The following SEL1L3 variants were observed in gnomAD, a reference collection of about 807,000 sequenced individuals.
SEL1L3 encodes the protein protein sel-1 homolog 3.
Under a neutral mutation model 142.8 loss-of-function variants are expected in SEL1L3, and 76 were observed. That is an observed-to-expected ratio of 0.53 (90% CI 0.44 to 0.64). The LOEUF (loss-of-function observed/expected upper bound fraction) is 0.64, where lower values mean the gene tolerates loss of function less well. Ranked by LOEUF, SEL1L3 falls within the 30% of genes least tolerant of loss-of-function variation. The probability of loss-of-function intolerance (pLI) is 0.00; values close to 1 mark genes in which losing one functional copy is unlikely to be tolerated. For synonymous variants in SEL1L3, 504 were observed against 519.6 expected, an observed-to-expected ratio of 0.97 and a Z score of 0.41; for missense variants, 1,262 against 1,381.7, an observed-to-expected ratio of 0.91 and a Z score of 1.37.
intron 5 of SEL1L3, among the ~76,000 whole-genome samples, chr4:25,832,578 C>G (rs1245302159): frequency 6.6e-6 from 1 of 152,120 alleles, no homozygotes; most frequent in Non-Finnish European, 1.5e-5. Context: ...CAAAAGCAGT[C>G]AAATCATTTC....
At chr4:25,847,929 T>G in intron 1 of SEL1L3, 65 bp from the exon 2 acceptor site, 1 of 939,146 alleles carries the variant, frequency 1.1e-6, no homozygotes, top group South Asian at 1.8e-5. Flanking sequence ...TAACAGATAC[T>G]TGAATCATTA....
intron 9 of SEL1L3, among the ~76,000 whole-genome samples, chr4:25,805,361 T>C (rs935314537): frequency 2.0e-4 from 31 of 152,158 alleles, no homozygotes; most frequent in Non-Finnish European, 3.8e-4. Context: ...AGCATCCCCA[T>C]TTTTTACACG....
In SEL1L3 at chr4:25,790,533, G is replaced by A; in HGVS notation, c.1998C>T (p.Leu666=). 1 of 1,612,480 alleles carries A rather than the reference G, an allele frequency of 6.2e-7. No homozygotes were observed. The highest frequency in any genetic ancestry group is 8.5e-7 in the Non-Finnish European group (1 of 1,179,248). Residue 666 remains leucine, a synonymous_variant, in exon 12 of 24, where the codon CTC becomes CTT. Transcript: ENST00000399878. ...ETIRLKDDEI[L]KVQTKEDGDV... ...CTCCATCTTCTTTGGTTTGTACCTT[G>A]AGTATTTCATCATCTTTTAGTCTAA... is the stretch of plus-strand genomic sequence containing the variant.
the SEL1L3 span, among the ~76,000 whole-genome samples, chr4:25,736,213 T>TTGTGTGTGTGTG: frequency 4.9e-3 from 644 of 130,662 alleles, 19 homozygotes; most frequent in African/African-American, 0.011. Context: ...TGCCATAAGA[T>TTGTGTGTGTGTG]TGTGTGTCTG....
chr4:25,724,578 A>T, the SEL1L3 span, among the ~76,000 whole-genome samples: 1 of 151,710 alleles, frequency 6.6e-6, no homozygotes, highest in Admixed American at 6.6e-5. Context: ...TCTCTACTAA[A>T]AATACAAAAA....
the SEL1L3 span, among the ~76,000 whole-genome samples, chr4:25,727,769 A>G: frequency 6.6e-6 from 1 of 152,190 alleles, no homozygotes; most frequent in Admixed American, 6.5e-5. Flanking sequence ...CCAGGTGCAG[A>G]CAGGACACCT....
chr4:25,723,312 C>T, the SEL1L3 span, among the ~76,000 whole-genome samples: 1 of 152,192 alleles, frequency 6.6e-6, no homozygotes, highest in Admixed American at 6.5e-5. Flanking sequence ...GAGTTACTTA[C>T]ATCAAGGGTG....
downstream of SEL1L3, among the ~76,000 whole-genome samples, chr4:25,742,587 C>T (rs962802709): frequency 7.9e-5 from 12 of 152,224 alleles, no homozygotes; most frequent in African/African-American, 1.9e-4. Flanking sequence ...TGAGCCACCG[C>T]ACCCGGCCAA....
intron 23 of SEL1L3, among the ~76,000 whole-genome samples, chr4:25,753,215 G>A (rs1235922827): frequency 6.6e-6 from 1 of 152,234 alleles, no homozygotes; most frequent in Non-Finnish European, 1.5e-5. Context: ...TATAAACTCA[G>A]GAGGAAAATG....
chr4:25,757,493 T>C (rs1262129766), intron 23 of SEL1L3, 41 bp downstream of exon 23: 1 of 1,396,652 alleles, frequency 7.2e-7, no homozygotes, highest in Admixed American at 2.8e-5. Context: ...CCTGCTTTTT[T>C]TTTTTTTAAT....
chr4:25,845,646 T>C (rs116064790), intron 2 of SEL1L3, among the ~76,000 whole-genome samples: 239 of 152,160 alleles, frequency 1.6e-3, no homozygotes, highest in African/African-American at 4.6e-3. Flanking sequence ...GCCACAGTCA[T>C]TATTTCCCCC....
At chr4:25,853,490 G>A (rs1717037132) in intron 1 of SEL1L3, among the ~76,000 whole-genome samples, 1 of 152,050 alleles carries the variant, frequency 6.6e-6, no homozygotes, top group Non-Finnish European at 1.5e-5. Flanking sequence ...GGTCTGATTT[G>A]AGATGTCCTG....
intron 2 of SEL1L3, among the ~76,000 whole-genome samples, chr4:25,841,477 T>G (rs1291294915): frequency 6.6e-6 from 1 of 152,152 alleles, no homozygotes; most frequent in Non-Finnish European, 1.5e-5. Context: ...TTAAAATAAA[T>G]AAATAGCTTC....
intron 12 of SEL1L3, among the ~76,000 whole-genome samples, chr4:25,789,584 C>A (rs1195220079): frequency 1.8e-4 from 23 of 124,738 alleles, no homozygotes; most frequent in East Asian, 1.3e-3. Flanking sequence ...GACCCTGAAT[C>A]AAAAAAAAAA....
intron 11 of SEL1L3, among the ~76,000 whole-genome samples, chr4:25,799,935 G>A (rs1404727164): frequency 6.6e-6 from 1 of 152,166 alleles, no homozygotes; most frequent in Non-Finnish European, 1.5e-5. Context: ...ACCAAACCTG[G>A]AGGAAGAGCA....
intron 10 of SEL1L3, 62 bp downstream of exon 10, chr4:25,804,479 G>A: frequency 1.6e-6 from 2 of 1,246,106 alleles, no homozygotes; most frequent in Non-Finnish European, 2.3e-6. Context: ...AGGGGCACGA[G>A]AGCATTGCTT....
the SEL1L3 span, among the ~76,000 whole-genome samples, chr4:25,724,179 GA>G: frequency 1.3e-5 from 2 of 152,160 alleles, no homozygotes; most frequent in Non-Finnish European, 2.9e-5. Flanking sequence ...AGCACTTTGA[GA>G]GGCCGAGGAG....
intron 9 of SEL1L3, among the ~76,000 whole-genome samples, chr4:25,814,662 G>GA (rs79751401): frequency 0.078 from 11,900 of 152,188 alleles, 1,012 homozygotes; most frequent in African/African-American, 0.21. Context: ...AACTTGGAAC[G>GA]AAGGGTATTT....
chr4:25,797,050 G>C (rs1424028152), intron 11 of SEL1L3, among the ~76,000 whole-genome samples: 2 of 151,094 alleles, frequency 1.3e-5, no homozygotes, highest in Non-Finnish European at 3.0e-5. Context: ...GTAGTGGAGA[G>C]AGAAAGAGGA....
Sources: allele counts gnomAD v4.1 joint callset (sites outside exome capture counted in the v4.1 genomes callset), GRCh38; gene constraint gnomAD v4.1.1; transcripts MANE v1.5; gene names NCBI Gene and HGNC (gene_info 2026-07-23, HGNC 2026-07-21).